SWAP70: variants seen among roughly 807,000 people sequenced by gnomAD.
The protein encoded by SWAP70 is switching B cell complex subunit SWAP70.
Under a neutral mutation model 80.2 loss-of-function variants are expected in SWAP70, and 34 were observed. That is an observed-to-expected ratio of 0.42 (90% confidence interval 0.32 to 0.56). The LOEUF (loss-of-function observed/expected upper bound fraction) is 0.56. SWAP70 is among the 20% of genes least tolerant of loss of function. SWAP70 has a pLI of 0.09. For synonymous variants in SWAP70, 239 were observed against 238.5 expected (o/e 1.00, Z -0.02); for missense variants, 578 against 690.7 (o/e 0.84, Z 1.83).
intron 3 of SWAP70, among the ~76,000 whole-genome samples, chr11:9,715,583 G>A: frequency 6.6e-6 from 1 of 152,346 alleles, no homozygotes; most frequent in Non-Finnish European, 1.5e-5. Flanking sequence ...AGTTCCACAT[G>A]GCTGGGGAGG....
chr11:9,710,084 C>T (rs1432541801), intron 2 of SWAP70, among the ~76,000 whole-genome samples: 1 of 151,918 alleles, frequency 6.6e-6, no homozygotes, highest in East Asian at 1.9e-4. Context: ...GTTGGTCTTG[C>T]TGTCTCAGTG....
At chr11:9,715,365 G>A (rs1851052947) in intron 3 of SWAP70, among the ~76,000 whole-genome samples, 1 of 152,152 alleles carries the variant, frequency 6.6e-6, no homozygotes, top group South Asian at 2.1e-4. Flanking sequence ...TATGCAATTT[G>A]GTCTGTCCTA....
chr11:9,677,600 C>T (rs943708505), intron 1 of SWAP70, among the ~76,000 whole-genome samples: 1 of 152,058 alleles, frequency 6.6e-6, no homozygotes, highest in African/African-American at 2.4e-5. Context: ...TTAAATATAG[C>T]AAAATCTAGT....
chr11:9,668,884 G>GA (rs1850340208), intron 1 of SWAP70, among the ~76,000 whole-genome samples: 1 of 152,090 alleles, frequency 6.6e-6, no homozygotes, highest in Non-Finnish European at 1.5e-5. Context: ...GAAAGGCAGA[G>GA]AAAAAAGAAA....
intron 4 of SWAP70, chr11:9,726,888 G>C (rs993908207): frequency 2.2e-6 from 1 of 456,108 alleles, no homozygotes; most frequent in African/African-American, 2.0e-5. Flanking sequence ...TGAACTCCTG[G>C]TGCAGTATTT....
chr11:9,716,399 G>C (rs755450604), intron 3 of SWAP70, among the ~76,000 whole-genome samples: 1 of 152,064 alleles, frequency 6.6e-6, no homozygotes, highest in African/African-American at 2.4e-5. Context: ...GGGCAACTGG[G>C]GAATAATATA....
rs999865219 is a variant in SWAP70 at position 9,706,386 on chromosome 11, GT to G, written c.241-7072del. Among the ~76,000 whole-genome samples, 268 of 151,604 alleles carry G rather than the reference GT, an allele frequency of 1.8e-3. 1 individual carries two copies. Among genetic ancestry groups the G allele is most frequent in the African/African-American group, 5.8e-3 (239 of 41,274 alleles). On this transcript the variant is annotated intron_variant, in intron 2 of 11. Transcript: ENST00000318950. ...GATCTGTATACATTGATCAGCACTT[GT>G]TTTTTTTCCCCCCATTTTGTCTTTT... is the stretch of plus-strand genomic sequence containing the variant.
intron 1 of SWAP70, among the ~76,000 whole-genome samples, chr11:9,689,932 G>GT (rs1312338407): frequency 7.9e-5 from 12 of 152,180 alleles, no homozygotes; most frequent in Admixed American, 7.9e-4. Context: ...ACAACTCACG[G>GT]GCGTGTCCAT....
rs1353200837 is a variant in SWAP70, at chr11:9,750,729, T to C, written c.*759T>C. ...CCGAGTATGTGCTGTTAAACTAGAT[T>C]GGCCGGTTCGCTTTCCATTTCCTGA... On this transcript the variant is annotated 3_prime_UTR_variant, in exon 12 of 12. Coordinates refer to ENST00000318950, the MANE Select transcript of SWAP70 (RefSeq NM_015055.4). 6.6e-6 allele frequency: 1 copy of C among 152,302 alleles called. No homozygotes were observed. The highest frequency in any genetic ancestry group is 1.5e-5 in the Non-Finnish European group (1 of 68,086). 9.4% of individuals were successfully genotyped at this position (152,302 alleles called of 1,614,324 possible).
chr11:9,723,771 CTTTTTTT>C (rs34551025), intron 3 of SWAP70, among the ~76,000 whole-genome samples: 98 of 124,610 alleles, frequency 7.9e-4, no homozygotes, highest in African/African-American at 2.2e-3. Flanking sequence ...TCCTTCTTTA[CTTTTTTT>C]TTTTTTTTTT....
chr11:9,703,376 G>T (rs1386296301), intron 2 of SWAP70: 1 of 456,196 alleles, frequency 2.2e-6, no homozygotes, highest in Non-Finnish European at 4.4e-6. Context: ...AATCACGTTG[G>T]CCTTCTCTCT....
In SWAP70 at chr11:9,699,868, A is replaced by G. The variant is rs529017553; in HGVS notation, c.240+5582A>G. 5.2e-3 allele frequency among the ~76,000 whole-genome samples: 327 copies of G among 62,950 alleles called. 1 individual carries two copies. Among genetic ancestry groups the G allele is most frequent in the Non-Finnish European group, 7.6e-3 (220 of 28,850 alleles). The allele number at this position is 62,950 out of a possible 152,430, so 41.3% of individuals were successfully genotyped here. A position where few individuals can be genotyped will look rare whatever the true frequency, so the allele number is the denominator to read the frequency against. Reference sequence around the variant, plus strand: ...GTGTCACCCAGGCTGTATAGTGTGTATATATATATATATATATATATAGTC... The same window carrying G: ...GTGTCACCCAGGCTGTATAGTGTGTGTATATATATATATATATATATAGTC... On this transcript the variant is annotated intron_variant, in intron 2 of 11. Coordinates refer to ENST00000318950, the MANE Select transcript of SWAP70 (RefSeq NM_015055.4).
At chr11:9,707,485 G>C (rs10840290) in intron 2 of SWAP70, among the ~76,000 whole-genome samples, 49,823 of 150,866 alleles carry the variant, frequency 0.33, 8,450 homozygotes, top group Non-Finnish European at 0.36. Context: ...TCACCTATGA[G>C]AGCATTTCCT....
intron 1 of SWAP70, among the ~76,000 whole-genome samples, chr11:9,691,877 T>G (rs1363683376): frequency 6.6e-6 from 1 of 152,220 alleles, no homozygotes; most frequent in Non-Finnish European, 1.5e-5. Flanking sequence ...TTTTGTTTCC[T>G]GAAGGCTTTG....
chr11:9,671,561 AATATATT>A (rs1850393217), intron 1 of SWAP70, among the ~76,000 whole-genome samples: 5 of 44,102 alleles, frequency 1.1e-4, no homozygotes, highest in Non-Finnish European at 1.7e-4. Context: ...AATATATATA[AATATATT>A]TATATAGAAA....
At chr11:9,748,652 C>T (rs894984764) in intron 10 of SWAP70, among the ~76,000 whole-genome samples, 2 of 152,200 alleles carry the variant, frequency 1.3e-5, no homozygotes, top group Admixed American at 6.5e-5. Flanking sequence ...CCTCCCTCCT[C>T]GTGTCCCTTC....
chr11:9,743,265 T>C (rs919684120), intron 9 of SWAP70, among the ~76,000 whole-genome samples: 9 of 148,436 alleles, frequency 6.1e-5, no homozygotes, highest in Admixed American at 6.0e-4. Context: ...TTCCATGGTG[T>C]ATATGTGCCA....
rs560297556 is a variant in SWAP70 at position 9,726,418 on chromosome 11, G to A, written c.642+1533G>A. Among the ~76,000 whole-genome samples, 36 of 152,038 alleles carry A rather than the reference G, an allele frequency of 2.4e-4. No homozygotes were observed. The South Asian group carries it at 4.8e-3, about 20-fold the overall frequency. On this transcript the variant is annotated intron_variant, in intron 4 of 11. Coordinates refer to ENST00000318950, the MANE Select transcript of SWAP70 (RefSeq NM_015055.4). The stretch of plus-strand genomic sequence containing the variant: ...CTTTGTTCTTTTTTTTCCTAATGGA[G>A]CACATCATAAATGTTGAGGCTGAAT...
At chr11:9,708,267 C>T (rs1403043001) in intron 2 of SWAP70, among the ~76,000 whole-genome samples, 1 of 152,156 alleles carries the variant, frequency 6.6e-6, no homozygotes. Context: ...CAACAGTGTG[C>T]AAGGGTTCGA....
Sources: gnomAD v4.1 joint callset for allele counts (sites outside exome capture counted in the v4.1 genomes callset) on GRCh38, gnomAD v4.1.1 for gene constraint, MANE v1.5 for transcripts, NCBI Gene and HGNC (gene_info 2026-07-23, HGNC 2026-07-21) for gene names.